Variants in PPARGC1A observed in about 807,000 individuals in gnomAD.
PPARGC1A encodes peroxisome proliferator-activated receptor gamma coactivator 1-alpha.
In PPARGC1A, 25 loss-of-function variants were observed where a neutral mutation model predicts 88.7. That is an observed-to-expected ratio of 0.28 (90% CI 0.21 to 0.39). The LOEUF (loss-of-function observed/expected upper bound fraction) is 0.39. PPARGC1A is among the 10% of genes least tolerant of loss of function. The pLI is 1.00. For missense variants in PPARGC1A, 880 were observed against 968.7 expected, an observed-to-expected ratio of 0.91 and a Z score of 1.22; for synonymous variants, 363 against 355.6, an observed-to-expected ratio of 1.02 and a Z score of -0.24.
At chr4:23,979,567 C>G in the PPARGC1A span, among the ~76,000 whole-genome samples, 4 of 152,134 alleles carry the variant, frequency 2.6e-5, no homozygotes, top group Non-Finnish European at 4.4e-5. Context: ...GAGAGTCATG[C>G]CATTACTTGC....
At chr4:24,145,620 G>A in the PPARGC1A span, among the ~76,000 whole-genome samples, 4 of 152,174 alleles carry the variant, frequency 2.6e-5, no homozygotes, top group Admixed American at 2.6e-4. Flanking sequence ...CCATTTGTAG[G>A]AGAGGCAATG....
chr4:24,084,132 G>C, the PPARGC1A span, among the ~76,000 whole-genome samples: 1 of 152,090 alleles, frequency 6.6e-6, no homozygotes, highest in African/African-American at 2.4e-5. Context: ...ACCTATCTTT[G>C]TACCCTCAAG....
At chr4:24,017,018 T>C in the PPARGC1A span, among the ~76,000 whole-genome samples, 2 of 152,232 alleles carry the variant, frequency 1.3e-5, no homozygotes, top group African/African-American at 4.8e-5. Context: ...GCAAAGTGTC[T>C]ACAGAGATTA....
At chr4:24,383,741 C>T in the PPARGC1A span, among the ~76,000 whole-genome samples, 1 of 152,122 alleles carries the variant, frequency 6.6e-6, no homozygotes, top group Non-Finnish European at 1.5e-5. Flanking sequence ...AAGACCAAAC[C>T]TACATTTGAT....
chr4:24,433,429 T>C, the PPARGC1A span, among the ~76,000 whole-genome samples: 23 of 152,194 alleles, frequency 1.5e-4, no homozygotes, highest in Non-Finnish European at 2.8e-4. Flanking sequence ...AATAGGTTAC[T>C]GGGTTTTATT....
the PPARGC1A span, among the ~76,000 whole-genome samples, chr4:24,093,853 C>G: frequency 6.6e-6 from 1 of 152,176 alleles, no homozygotes; most frequent in Non-Finnish European, 1.5e-5. Flanking sequence ...TCTCTGAGAC[C>G]TGGTTTCCAT....
chr4:23,877,749 G>T, intron 2 of PPARGC1A: 1 of 152,244 alleles, frequency 6.6e-6, no homozygotes, highest in Non-Finnish European at 1.5e-5. Flanking sequence ...GGGAATGGTG[G>T]AGGAACAATT....
chr4:24,265,757 T>C, the PPARGC1A span, among the ~76,000 whole-genome samples: 4 of 151,228 alleles, frequency 2.6e-5, no homozygotes, highest in Middle Eastern at 3.4e-3. Flanking sequence ...AAGAGAAAAC[T>C]AGGGCGAAAA....
chr4:23,871,752 A>AAG (rs557256289), intron 2 of PPARGC1A, among the ~76,000 whole-genome samples: 651 of 152,336 alleles, frequency 4.3e-3, no homozygotes, highest in African/African-American at 0.015. Flanking sequence ...TCCTTAAGCC[A>AAG]AGAGCCCATG....
chr4:24,281,939 C>T, the PPARGC1A span, among the ~76,000 whole-genome samples: 1 of 152,208 alleles, frequency 6.6e-6, no homozygotes, highest in Non-Finnish European at 1.5e-5. Context: ...ACAACTGAGG[C>T]TCAAAGGGCT....
Position 23,802,348 on chromosome 4 carries a change from A to AT in PPARGC1A, c.2020-4dup. ...ACATAAATCACACGGCGCTCTTCCT[A>AT]TGGGGGGAAGGAAGGAGAGAGTTCT... On this transcript the variant is annotated splice_region_variant and splice_polypyrimidine_tract_variant and intron_variant, in intron 10 of 12. Coordinates refer to ENST00000264867, the MANE Select transcript of PPARGC1A (RefSeq NM_013261.5). 6.2e-7 allele frequency: 1 copy of AT among 1,613,686 alleles called. No homozygotes were observed. The highest frequency in any genetic ancestry group is 8.5e-7 in the Non-Finnish European group (1 of 1,179,842).
At chr4:24,086,141 A>G in the PPARGC1A span, among the ~76,000 whole-genome samples, 2 of 152,044 alleles carry the variant, frequency 1.3e-5, no homozygotes, top group Admixed American at 1.3e-4. Context: ...ATTTTTTATA[A>G]CTATTCTCCA....
chr4:24,001,559 GTATATTT>G, the PPARGC1A span, among the ~76,000 whole-genome samples: 245 of 152,202 alleles, frequency 1.6e-3, 2 homozygotes, highest in Admixed American at 2.8e-3. Flanking sequence ...TTGTGCCAAG[GTATATTT>G]CAAAAGCCAA....
the PPARGC1A span, among the ~76,000 whole-genome samples, chr4:24,342,858 C>G: frequency 6.3e-4 from 96 of 152,246 alleles, no homozygotes; most frequent in African/African-American, 2.2e-3. Flanking sequence ...CAGGTAAGCT[C>G]CTGACTTCCT....
chr4:24,401,018 T>TC, the PPARGC1A span, among the ~76,000 whole-genome samples: 1 of 134,332 alleles, frequency 7.4e-6, no homozygotes, highest in Non-Finnish European at 1.6e-5. Flanking sequence ...GAATTTTCTT[T>TC]TTTTTTTTTT....
At chr4:24,385,543 A>C in the PPARGC1A span, among the ~76,000 whole-genome samples, 3 of 152,208 alleles carry the variant, frequency 2.0e-5, no homozygotes, top group African/African-American at 7.2e-5. Flanking sequence ...AGACACAATA[A>C]AAATGATAAA....
At chr4:23,888,241 C>T (rs1391233085) in intron 1 of PPARGC1A, among the ~76,000 whole-genome samples, 1 of 152,204 alleles carries the variant, frequency 6.6e-6, no homozygotes, top group African/African-American at 2.4e-5. Flanking sequence ...GCGACTCTAT[C>T]CATGGCTGGA....
At chr4:24,223,415 A>G in the PPARGC1A span, among the ~76,000 whole-genome samples, 1 of 152,008 alleles carries the variant, frequency 6.6e-6, no homozygotes, top group African/African-American at 2.4e-5. Flanking sequence ...ATACCTGGCT[A>G]ATTTTTGTAT....
the PPARGC1A span, among the ~76,000 whole-genome samples, chr4:24,004,004 T>C: frequency 6.6e-6 from 1 of 152,158 alleles, no homozygotes; most frequent in Non-Finnish European, 1.5e-5. Flanking sequence ...ATTGAAGTTT[T>C]TCAAAGAATG....
Sources: allele counts gnomAD v4.1 joint callset (sites outside exome capture counted in the v4.1 genomes callset), GRCh38; gene constraint gnomAD v4.1.1; transcripts MANE v1.5; gene names NCBI Gene and HGNC (gene_info 2026-07-23, HGNC 2026-07-21).